The following TAF15 variants were observed in gnomAD, a reference collection of about 807,000 sequenced individuals.
TAF15 encodes the protein TATA-binding protein-associated factor 2N.
A neutral mutation model predicts 102.5 loss-of-function variants in TAF15; 37 were observed. That is an observed-to-expected ratio of 0.36 (90% CI 0.28 to 0.47). The LOEUF is 0.47. Among genes scored for constraint, TAF15 ranks in the 20% least tolerant of loss-of-function variants. The pLI, the probability that TAF15 is intolerant of heterozygous loss-of-function variation, is 0.99. For missense variants in TAF15, 652 were observed against 760.7 expected (o/e 0.86, Z 1.68); for synonymous variants, 273 against 259.2 (o/e 1.05, Z -0.51).
chr17:35,822,808 G>T lies in TAF15; in HGVS notation c.459G>T (p.Arg153Ser). The T allele has an allele frequency of 6.2e-7, 1 of 1,614,038 alleles. No individual in the cohort carries two copies. The highest frequency in any genetic ancestry group is 8.5e-7 in the Non-Finnish European group (1 of 1,179,988). ...SQNQQSYHSQ[R>S]ENYSHHTQDD... is the part of the protein sequence containing the mutation. ...ACCAGCAGTCCTATCATTCACAAAGGGAAAACTACAGCCACCACACACAAG... is the reference window on the plus strand; with the variant it reads ...ACCAGCAGTCCTATCATTCACAAAGTGAAAACTACAGCCACCACACACAAG... Residue 153 changes from arginine (R) to serine (S), a missense_variant, in exon 6 of 16, where the codon AGG becomes AGT. Physicochemically the swap from Arg to Ser is moderately radical, Grantham distance 110. Transcript: ENST00000605844.
Position 35,824,207 on chromosome 17 carries a change from G to A in TAF15, c.605+9G>A. ...CCTATGACAGGATCAAGGTAAGTAT[G>A]TAGATAAAGATGCGTACATTTCTTC... On this transcript the variant is annotated intron_variant, in intron 7 of 15. Transcript: ENST00000605844. 6.2e-7 allele frequency: 1 copy of A among 1,612,842 alleles called. No individual in the cohort carries two copies. The highest frequency in any genetic ancestry group is 2.2e-5 in the East Asian group (1 of 44,816).
intron 1 of TAF15, among the ~76,000 whole-genome samples, chr17:35,813,056 GGCAGAGGTT>G (rs1230441435): frequency 6.7e-6 from 1 of 149,898 alleles, no homozygotes; most frequent in Non-Finnish European, 1.5e-5. Context: ...GAAGCTAGGA[GGCAGAGGTT>G]GCAGTTTGAG....
intron 1 of TAF15, 166 bp downstream of exon 1, chr17:35,809,742 C>G (rs2087102405): frequency 2.2e-6 from 2 of 894,386 alleles, no homozygotes; most frequent in Non-Finnish European, 3.5e-6. Context: ...GAGGCACGCA[C>G]GCTCCCAATG....
chr17:35,821,132 C>T lies in TAF15; in HGVS notation c.290+695C>T, dbSNP rs189363329. On this transcript the variant is annotated intron_variant, in intron 5 of 15. Coordinates refer to ENST00000605844, the MANE Select transcript of TAF15 (RefSeq NM_139215.3). ...TTATTTGGCCTATCAAGTGACGTGG[C>T]TAAAAACTGAGGTCTCTAGTGTTTT... Among the ~76,000 whole-genome samples the T allele has an allele frequency of 1.4e-3, 216 of 152,226 alleles. 1 individual carries two copies. The highest frequency in any genetic ancestry group is 2.6e-3 in the Non-Finnish European group (180 of 67,990).
chr17:35,822,047 A>G (rs981366250), intron 5 of TAF15, among the ~76,000 whole-genome samples: 5 of 150,574 alleles, frequency 3.3e-5, no homozygotes, highest in African/African-American at 1.2e-4. Flanking sequence ...TTTTTTTTTA[A>G]TTCATAGAGA....
Position 35,821,768 on chromosome 17 carries a change from G to A in TAF15, c.291-872G>A, listed in dbSNP as rs2087260812. ...ATAAGCAGTCTCATTACCTGATAGA[G>A]TTTTTTTCAGATAAAAAAAATTGTG... On this transcript the variant is annotated intron_variant, in intron 5 of 15. Coordinates refer to ENST00000605844, the MANE Select transcript of TAF15 (RefSeq NM_139215.3). 3.3e-5 allele frequency among the ~76,000 whole-genome samples: 5 copies of A among 152,046 alleles called. No homozygotes were observed. The South Asian group carries it at 1.0e-3, about 32-fold the overall frequency.
Position 35,817,620 on chromosome 17 carries a change from C to T in TAF15, c.8-96C>T, listed in dbSNP as rs1214111969. Reference sequence around the variant, plus strand: ...TAGTTTTTCTTTCTGCAGTTCTTTACATTTTCTTACCACATTTCTTCTGTA... The same window carrying T: ...TAGTTTTTCTTTCTGCAGTTCTTTATATTTTCTTACCACATTTCTTCTGTA... On this transcript the variant is annotated intron_variant, in intron 1 of 15. Transcript: ENST00000605844. 14 of 1,082,564 alleles carry T rather than the reference C, an allele frequency of 1.3e-5. No homozygotes were observed. In the Admixed American group the frequency reaches 2.0e-4, roughly 16 times the overall value. The allele number at this position is 1,082,564 out of a possible 1,614,324, so 67.1% of individuals were successfully genotyped here.
At chr17:35,817,313 G>A in intron 1 of TAF15, 1 of 207,494 alleles carries the variant, frequency 4.8e-6, no homozygotes, top group East Asian at 1.2e-4. Flanking sequence ...GTATATCTTG[G>A]GGTGGTAAGG....
At chr17:35,841,131 TTAC>T (rs1306735290) in intron 11 of TAF15, among the ~76,000 whole-genome samples, 1 of 152,226 alleles carries the variant, frequency 6.6e-6, no homozygotes, top group Non-Finnish European at 1.5e-5. Context: ...CAATTCTTAT[TTAC>T]TACTATTTTT....
chr17:35,824,920 G>T (rs868835688), intron 7 of TAF15, among the ~76,000 whole-genome samples: 10 of 139,174 alleles, frequency 7.2e-5, no homozygotes, highest in Admixed American at 2.1e-4. Context: ...TACTTTGACT[G>T]TAAAAAAAAA....
chr17:35,838,624 C>A, intron 11 of TAF15, 71 bp downstream of exon 11: 1 of 1,602,690 alleles, frequency 6.2e-7, no homozygotes, highest in South Asian at 1.1e-5. Flanking sequence ...TGAGAATATG[C>A]TCTGGGTGAC....
intron 7 of TAF15, among the ~76,000 whole-genome samples, chr17:35,831,404 C>T (rs1462187419): frequency 2.2e-5 from 3 of 138,286 alleles, no homozygotes; most frequent in African/African-American, 8.4e-5. Context: ...AAGACTCCGT[C>T]GCAAAAAAAA....
intron 11 of TAF15, among the ~76,000 whole-genome samples, chr17:35,838,838 T>C (rs906345966): frequency 6.6e-6 from 1 of 152,182 alleles, no homozygotes; most frequent in East Asian, 1.9e-4. Flanking sequence ...AAAAAATAAA[T>C]TTAAAAGGTA....
chr17:35,836,976 G>A (rs1481559130), intron 10 of TAF15, among the ~76,000 whole-genome samples: 2 of 152,042 alleles, frequency 1.3e-5, no homozygotes, highest in African/African-American at 4.8e-5. Flanking sequence ...GTTTCACTGT[G>A]TTGGCCAGGA....
At chr17:35,817,937 T>G (rs572699137) in intron 2 of TAF15, among the ~76,000 whole-genome samples, 182 bp downstream of exon 2, 1 of 152,160 alleles carries the variant, frequency 6.6e-6, no homozygotes, top group Non-Finnish European at 1.5e-5. Flanking sequence ...TTTCTTTATG[T>G]TTTGAGACAG....
At chr17:35,831,670 T>C (rs75494402) in intron 7 of TAF15, among the ~76,000 whole-genome samples, 200 of 152,308 alleles carry the variant, frequency 1.3e-3, no homozygotes, top group African/African-American at 3.9e-3. Flanking sequence ...CTAGCACTTA[T>C]TCGTGAACCC....
chr17:35,835,425 C>T (rs995062797), intron 9 of TAF15, among the ~76,000 whole-genome samples: 1 of 152,122 alleles, frequency 6.6e-6, no homozygotes, highest in Admixed American at 6.6e-5. Context: ...ACAGATTTAC[C>T]TGTGGAGCCT....
chr17:35,832,071 C>G (rs1407132338), intron 7 of TAF15, among the ~76,000 whole-genome samples: 1 of 152,134 alleles, frequency 6.6e-6, no homozygotes, highest in Non-Finnish European at 1.5e-5. Flanking sequence ...GAGCAAGACT[C>G]CGTCTGGGAA....
At position 35,820,227 on chromosome 17, in the gene TAF15, A is replaced by G. The variant is rs2087242846; in HGVS notation, c.163A>G (p.Ser55Gly). The stretch of plus-strand genomic sequence containing the variant: ...TGGACAGAACTACAGCGGTTACTCC[A>G]GTTATGGACAAAGTCAGTCAGGTTG... Reference protein sequence around the residue: ...SYGQNYSGYSSYGQSQSGYSQ... With the variant: ...SYGQNYSGYSGYGQSQSGYSQ... The change falls in exon 4 of 16, where the codon AGT (serine) becomes GGT (glycine). Residue 55 changes from serine to glycine, a missense_variant. Coordinates refer to ENST00000605844, the MANE Select transcript of TAF15 (RefSeq NM_139215.3). 6.2e-7 allele frequency: 1 copy of G among 1,614,112 alleles called. No homozygotes were observed. The highest frequency in any genetic ancestry group is 8.5e-7 in the Non-Finnish European group (1 of 1,179,956).
Sources: gnomAD v4.1 joint callset for allele counts (sites outside exome capture counted in the v4.1 genomes callset) on GRCh38, gnomAD v4.1.1 for gene constraint, MANE v1.5 for transcripts, NCBI Gene and HGNC (gene_info 2026-07-23, HGNC 2026-07-21) for gene names.